EDA: variants seen among roughly 807,000 people sequenced by gnomAD.
The protein encoded by EDA is ectodysplasin A, also known as ectodysplasin-A.
A neutral mutation model predicts 23.6 loss-of-function variants in EDA; 2 were observed. The observed-to-expected ratio is 0.08, with a 90% CI of 0.03 to 0.27. The LOEUF is 0.27. Among genes scored for constraint, EDA ranks in the 10% least tolerant of loss-of-function variants. EDA has a pLI of 1.00. For missense variants in EDA, 229 were observed against 324.2 expected (o/e 0.71, Z 2.26); for synonymous variants, 131 against 132.0 (o/e 0.99, Z 0.05).
chrX:70,007,724 A>G (rs1398156281), intron 2 of EDA, among the ~76,000 whole-genome samples: 1 of 111,528 alleles, frequency 9.0e-6, no homozygotes, highest in Non-Finnish European at 1.9e-5. Context: ...CTTCCTATCC[A>G]CGAACATTGA....
chrX:70,026,155 G>A (rs949691113), intron 3 of EDA, among the ~76,000 whole-genome samples: 2 of 112,361 alleles, frequency 1.8e-5, no homozygotes, highest in Non-Finnish European at 3.8e-5. Context: ...TGAAGACATT[G>A]TGATGAAGTC....
chrX:69,714,306 T>G (rs1410899734), intron 1 of EDA, among the ~76,000 whole-genome samples: 2 of 111,481 alleles, frequency 1.8e-5, no homozygotes, highest in East Asian at 5.6e-4. Flanking sequence ...TATAAGTTCA[T>G]TTTCAAATAT....
Position 70,037,775 on chromosome X carries a change from AG to A in EDA, c.*2170del, listed in dbSNP as rs2020285588. ...GGTAATACCCGTCCTCTCGGCTGCC[AG>A]GGGCTCTGTGGCAAAAAGAGTCAGA... On this transcript the variant is annotated 3_prime_UTR_variant, in exon 8 of 8. Transcript: ENST00000374552. The A allele has an allele frequency of 8.9e-6, 1 of 112,070 alleles. No homozygotes were observed. The highest frequency in any genetic ancestry group is 1.9e-5 in the Non-Finnish European group (1 of 53,214). 9.2% of individuals were successfully genotyped at this position (112,070 alleles called of 1,213,427 possible).
chrX:69,905,578 T>C (rs1039864604), intron 1 of EDA, among the ~76,000 whole-genome samples: 1 of 111,840 alleles, frequency 8.9e-6, no homozygotes, highest in Non-Finnish European at 1.9e-5. Context: ...CTAGACTATT[T>C]TCTTCTTGGC....
At chrX:69,773,635 G>A (rs2014698758) in intron 1 of EDA, among the ~76,000 whole-genome samples, 1 of 111,093 alleles carries the variant, frequency 9.0e-6, no homozygotes, top group African/African-American at 3.3e-5. Context: ...GTATGAAGTG[G>A]TATCTTATTG....
intron 2 of EDA, among the ~76,000 whole-genome samples, chrX:69,994,813 G>T (rs2019634278): frequency 8.9e-6 from 1 of 112,009 alleles, no homozygotes; most frequent in Non-Finnish European, 1.9e-5. Flanking sequence ...CAGCTGCATT[G>T]TGAGTCCCTA....
intron 1 of EDA, among the ~76,000 whole-genome samples, chrX:69,829,309 G>T (rs2016547586): frequency 8.9e-6 from 1 of 111,786 alleles, no homozygotes; most frequent in Non-Finnish European, 1.9e-5. Flanking sequence ...TGGACTGGAA[G>T]AGCCTTGCTC....
chrX:69,899,541 T>G (rs866859882), intron 1 of EDA, among the ~76,000 whole-genome samples: 11,055 of 110,243 alleles, frequency 0.1, 485 homozygotes, highest in African/African-American at 0.15. Flanking sequence ...TGTGTGTGTG[T>G]GTTTGTGTGC....
chrX:69,891,710 G>T (rs1379412134), intron 1 of EDA, among the ~76,000 whole-genome samples: 1 of 108,053 alleles, frequency 9.3e-6, no homozygotes, highest in African/African-American at 3.3e-5. Flanking sequence ...GGAGCTAAAT[G>T]ATGAGAACAC....
At chrX:69,744,442 T>C (rs1159676734) in intron 1 of EDA, among the ~76,000 whole-genome samples, 2 of 112,004 alleles carry the variant, frequency 1.8e-5, no homozygotes, top group East Asian at 5.6e-4. Context: ...ACTGAAATCA[T>C]TGGTCATAGT....
intron 1 of EDA, among the ~76,000 whole-genome samples, chrX:69,684,639 C>T (rs1001437256): frequency 2.7e-5 from 3 of 112,155 alleles, no homozygotes; most frequent in Non-Finnish European, 5.6e-5. Flanking sequence ...TCTGTTCAAG[C>T]CTCTCTAACT....
chrX:69,716,111 CT>C (rs1487008950), intron 1 of EDA, among the ~76,000 whole-genome samples: 6 of 111,982 alleles, frequency 5.4e-5, no homozygotes, highest in Admixed American at 4.7e-4. Flanking sequence ...GTTGCAATCG[CT>C]TTTGGCATCT....
intron 1 of EDA, among the ~76,000 whole-genome samples, chrX:69,822,237 A>G (rs2016245296): frequency 9.0e-6 from 1 of 111,309 alleles, no homozygotes; most frequent in African/African-American, 3.3e-5. Flanking sequence ...ATGAGCTATG[A>G]TCATGCCACA....
At chrX:69,827,985 G>T (rs2016500208) in intron 1 of EDA, among the ~76,000 whole-genome samples, 1 of 110,875 alleles carries the variant, frequency 9.0e-6, no homozygotes, top group Non-Finnish European at 1.9e-5. Flanking sequence ...TGCCCCTGCT[G>T]GGGGGTGCCT....
chrX:69,751,167 T>G (rs1272508344), intron 1 of EDA, among the ~76,000 whole-genome samples: 1 of 101,051 alleles, frequency 9.9e-6, no homozygotes, highest in East Asian at 3.0e-4. Flanking sequence ...GGTCTAACAT[T>G]TAAGTCTTTA....
intron 1 of EDA, among the ~76,000 whole-genome samples, chrX:69,815,130 G>A (rs2016047282): frequency 8.9e-6 from 1 of 111,983 alleles, no homozygotes. Context: ...ATGGCAATGG[G>A]CTGGAGTCTG....
At chrX:69,759,570 G>A (rs1209816951) in intron 1 of EDA, among the ~76,000 whole-genome samples, 1 of 111,731 alleles carries the variant, frequency 9.0e-6, no homozygotes, top group East Asian at 2.8e-4. Flanking sequence ...AGTATACACC[G>A]TGTTTTACAA....
chrX:69,678,490 T>G (rs1361172754), intron 1 of EDA, among the ~76,000 whole-genome samples: 3 of 111,663 alleles, frequency 2.7e-5, no homozygotes, highest in Non-Finnish European at 5.6e-5. Flanking sequence ...TATCCTCTTT[T>G]ATTTCCTTGA....
intron 1 of EDA, among the ~76,000 whole-genome samples, chrX:69,799,457 C>G (rs1316755688): frequency 9.0e-6 from 1 of 110,630 alleles, no homozygotes; most frequent in African/African-American, 3.3e-5. Flanking sequence ...CATTGTCAAT[C>G]TGACAATGGA....
Sources: allele counts gnomAD v4.1 joint callset (sites outside exome capture counted in the v4.1 genomes callset), GRCh38; gene constraint gnomAD v4.1.1; transcripts MANE v1.5; gene names NCBI Gene and HGNC (gene_info 2026-07-23, HGNC 2026-07-21).